The following PTPRD variants were observed in gnomAD, a reference collection of about 807,000 sequenced individuals.
PTPRD encodes the protein receptor-type tyrosine-protein phosphatase delta.
PTPRD carries 34 observed loss-of-function variants against 214.5 expected under a neutral mutation model. That is an observed-to-expected ratio of 0.16 (90% CI 0.12 to 0.21). The LOEUF (loss-of-function observed/expected upper bound fraction) is 0.21, where lower values mean the gene tolerates loss of function less well. Among genes scored for constraint, PTPRD ranks in the 10% least tolerant of loss-of-function variants. PTPRD has a pLI of 1.00. For missense variants in PTPRD, 2,545 were observed against 2,398.7 expected (o/e 1.06, Z -1.27); for synonymous variants, 1,128 against 845.7 (o/e 1.33, Z -5.79).
chr9:10,395,858 A>T (rs187382797), intron 2 of PTPRD, among the ~76,000 whole-genome samples: 4 of 151,804 alleles, frequency 2.6e-5, no homozygotes, highest in Non-Finnish European at 5.9e-5. Flanking sequence ...GAATAAATGA[A>T]TTGTTTGTTC....
chr9:8,889,509 G>A (rs2098519563), intron 11 of PTPRD, among the ~76,000 whole-genome samples: 1 of 151,930 alleles, frequency 6.6e-6, no homozygotes, highest in Admixed American at 6.6e-5. Context: ...GTGGTTTTTG[G>A]CTACATGGAT....
chr9:8,643,577 A>G (rs2096623492), intron 12 of PTPRD, among the ~76,000 whole-genome samples: 1 of 152,168 alleles, frequency 6.6e-6, no homozygotes, highest in Non-Finnish European at 1.5e-5. Flanking sequence ...AGCGGGGAAT[A>G]GGGGACCCAC....
intron 2 of PTPRD, among the ~76,000 whole-genome samples, chr9:10,346,143 A>C (rs138218227): frequency 2.1e-4 from 32 of 152,340 alleles, no homozygotes; most frequent in African/African-American, 7.2e-4. Flanking sequence ...TTCTAAGCTC[A>C]AAATGCTTAA....
intron 39 of PTPRD, among the ~76,000 whole-genome samples, chr9:8,345,300 C>T (rs925292212): frequency 6.6e-5 from 10 of 151,972 alleles, no homozygotes; most frequent in African/African-American, 1.9e-4. Flanking sequence ...CAGTCATGCA[C>T]GCCATACCTG....
intron 11 of PTPRD, among the ~76,000 whole-genome samples, chr9:8,751,001 C>A (rs2093467352): frequency 6.6e-6 from 1 of 152,160 alleles, no homozygotes. Flanking sequence ...TTGGACATAG[C>A]CATTAAGCTC....
intron 9 of PTPRD, among the ~76,000 whole-genome samples, chr9:9,189,554 C>T (rs886834103): frequency 2.6e-5 from 4 of 152,000 alleles, no homozygotes; most frequent in East Asian, 1.9e-4. Context: ...ATATGAGATG[C>T]TTCTATTATG....
intron 14 of PTPRD, among the ~76,000 whole-genome samples, chr9:8,574,970 C>G (rs1661543873): frequency 1.3e-5 from 2 of 151,954 alleles, no homozygotes; most frequent in African/African-American, 4.8e-5. Context: ...CAAATAAAAG[C>G]AAATTAATTC....
chr9:9,516,825 C>T (rs2096850496), intron 8 of PTPRD, among the ~76,000 whole-genome samples: 2 of 150,798 alleles, frequency 1.3e-5, no homozygotes, highest in African/African-American at 4.8e-5. Context: ...TGTGAGCCAC[C>T]ACAATATCTT....
At chr9:10,406,216 T>C (rs1297535592) in intron 2 of PTPRD, among the ~76,000 whole-genome samples, 4 of 151,482 alleles carry the variant, frequency 2.6e-5, no homozygotes, top group Middle Eastern at 3.2e-3. Flanking sequence ...TTATATATGA[T>C]AGTTATAATT....
intron 3 of PTPRD, among the ~76,000 whole-genome samples, chr9:10,067,347 G>C (rs1183408542): frequency 6.6e-6 from 1 of 151,874 alleles, no homozygotes; most frequent in Middle Eastern, 3.4e-3. Context: ...TGTTTCCAAA[G>C]GGTCTTACAG....
At chr9:8,813,266 G>C (rs1457308001) in intron 11 of PTPRD, among the ~76,000 whole-genome samples, 1 of 146,524 alleles carries the variant, frequency 6.8e-6, no homozygotes, top group Non-Finnish European at 1.5e-5. Context: ...AGGAAGGGCG[G>C]GGGGGCAGAG....
chr9:10,300,047 A>T (rs542694136), intron 3 of PTPRD, among the ~76,000 whole-genome samples: 52 of 152,288 alleles, frequency 3.4e-4, no homozygotes, highest in African/African-American at 1.2e-3. Context: ...AAATCTCTAA[A>T]ATAATTCCCA....
chr9:10,352,503 G>C (rs1466726985), intron 2 of PTPRD, among the ~76,000 whole-genome samples: 1 of 152,060 alleles, frequency 6.6e-6, no homozygotes, highest in African/African-American at 2.4e-5. Context: ...AGACAGAGCA[G>C]TTGAGGTCTT....
intron 30 of PTPRD, among the ~76,000 whole-genome samples, chr9:8,472,549 C>T (rs752970511): frequency 4.6e-5 from 7 of 152,150 alleles, no homozygotes; most frequent in Non-Finnish European, 1.0e-4. Context: ...TGGGGGCCAT[C>T]GGGCACTGCC....
chr9:10,553,349 T>A (rs985055215), intron 2 of PTPRD, among the ~76,000 whole-genome samples: 4 of 150,964 alleles, frequency 2.6e-5, no homozygotes, highest in South Asian at 2.1e-4. Flanking sequence ...AATCTTTATT[T>A]TTTTTTTTTT....
At chr9:8,671,066 T>C (rs2097275189) in intron 12 of PTPRD, among the ~76,000 whole-genome samples, 1 of 152,210 alleles carries the variant, frequency 6.6e-6, no homozygotes, top group South Asian at 2.1e-4. Context: ...TTCTTGTATA[T>C]TCCATTTCTA....
chr9:9,510,313 C>T (rs2096669788), intron 8 of PTPRD, among the ~76,000 whole-genome samples: 1 of 151,448 alleles, frequency 6.6e-6, no homozygotes, highest in South Asian at 2.1e-4. Context: ...CTGTAAGACA[C>T]ACTATAAACT....
chr9:9,158,827 G>A (rs748798127), intron 10 of PTPRD, among the ~76,000 whole-genome samples: 127 of 152,124 alleles, frequency 8.3e-4, no homozygotes, highest in Middle Eastern at 3.4e-3. Flanking sequence ...TTAGCAAACT[G>A]AATTCAACAA....
intron 2 of PTPRD, among the ~76,000 whole-genome samples, chr9:10,361,079 G>A (rs1415620930): frequency 6.6e-6 from 1 of 152,150 alleles, no homozygotes; most frequent in East Asian, 1.9e-4. Flanking sequence ...TCCAGCCTGG[G>A]CGACAGCGAG....
Sources: gnomAD v4.1 joint callset for allele counts (sites outside exome capture counted in the v4.1 genomes callset) on GRCh38, gnomAD v4.1.1 for gene constraint, MANE v1.5 for transcripts, NCBI Gene and HGNC (gene_info 2026-07-23, HGNC 2026-07-21) for gene names.